The following BAIAP2 variants were observed in gnomAD, a reference collection of about 807,000 sequenced individuals.
BAIAP2 encodes the protein BAR/IMD domain-containing adapter protein 2.
In BAIAP2, 18 loss-of-function variants were observed where a neutral mutation model predicts 63.0. The ratio of observed to expected loss-of-function variants is 0.29; its 90% CI spans 0.20 to 0.42. The LOEUF is 0.42. Ranked by LOEUF, BAIAP2 falls within the 10% of genes least tolerant of loss-of-function variation. The pLI, the probability that BAIAP2 is intolerant of heterozygous loss-of-function variation, is 1.00. For synonymous variants in BAIAP2, 386 were observed against 307.6 expected (o/e 1.25, Z -2.67); for missense variants, 610 against 734.3 (o/e 0.83, Z 1.96).
chr17:81,112,660 C>T (rs892915942), intron 13 of BAIAP2, among the ~76,000 whole-genome samples: 28 of 152,366 alleles, frequency 1.8e-4, no homozygotes, highest in African/African-American at 6.3e-4. Flanking sequence ...GCTGTCCGCC[C>T]GGCTCTGGGT....
chr17:81,099,228 T>G (rs1446288907), intron 6 of BAIAP2, among the ~76,000 whole-genome samples: 3 of 151,700 alleles, frequency 2.0e-5, no homozygotes, highest in African/African-American at 7.3e-5. Context: ...CCCCACGAAC[T>G]TCCTTCTCAC....
At chr17:81,086,797 G>A in intron 6 of BAIAP2, 1 of 560,568 alleles carries the variant, frequency 1.8e-6, no homozygotes, top group Non-Finnish European at 3.2e-6. Flanking sequence ...TGCTCTTGCA[G>A]CCTCCCAGGG....
At chr17:81,110,955 A>AGT (rs1434343760) in intron 13 of BAIAP2, 1 of 1,613,480 alleles carries the variant, frequency 6.2e-7, no homozygotes, top group African/African-American at 1.3e-5. Context: ...GCCTGACTAG[A>AGT]GTTAGTAAGT....
At position 81,098,635 on chromosome 17, in the gene BAIAP2, T is replaced by G. The variant is rs75332949; in HGVS notation, c.490-1293T>G. Among the ~76,000 whole-genome samples, 1,029 of 152,288 alleles carry G rather than the reference T, an allele frequency of 6.8e-3. 9 individuals are homozygous for G. The highest frequency in any genetic ancestry group is 0.024 in the African/African-American group (980 of 41,542). On this transcript the variant is annotated intron_variant, in intron 6 of 13. Coordinates refer to ENST00000428708, the MANE Select transcript of BAIAP2 (RefSeq NM_001144888.2). ...AATCGGTAGCTGGATCTGGAAGCTC[T>G]GTCAGGTTGAGACTCAGTTTTCCTT...
At chr17:81,040,717 C>T (rs2046964362) in intron 1 of BAIAP2, among the ~76,000 whole-genome samples, 1 of 152,230 alleles carries the variant, frequency 6.6e-6, no homozygotes, top group South Asian at 2.1e-4. Flanking sequence ...TCTGAGAGCT[C>T]CCTGGAGGTG....
intron 6 of BAIAP2, among the ~76,000 whole-genome samples, chr17:81,097,007 G>C (rs574326543): frequency 2.6e-5 from 4 of 152,308 alleles, no homozygotes; most frequent in Non-Finnish European, 5.9e-5. Flanking sequence ...CAGCGGCAGT[G>C]GGGGTGGCGG....
In BAIAP2 at chr17:81,115,931, A is replaced by C; in HGVS notation, c.*92A>C. On this transcript the variant is annotated 3_prime_UTR_variant, in exon 14 of 14. Transcript: ENST00000428708. ...ATCATCTGTGCGTTCCTGTGTAGAG[A>C]ACATCCAGGCCCCGGCTGCCTGGTC... 1 of 1,570,342 alleles carries C rather than the reference A, an allele frequency of 6.4e-7. No individual in the cohort carries two copies. The highest frequency in any genetic ancestry group is 8.6e-7 in the Non-Finnish European group (1 of 1,158,172).
At position 81,085,651 on chromosome 17, in the gene BAIAP2, C is replaced by T. The variant is rs1405214252; in HGVS notation, c.280-3C>T. On this transcript the variant is annotated splice_region_variant and splice_polypyrimidine_tract_variant and intron_variant, in intron 4 of 13. Transcript: ENST00000428708. The stretch of plus-strand genomic sequence containing the variant: ...GGCTGATGTGTTTTCTCTCCATGTC[C>T]AGCTGAAGTCTTTTCACAACGAGCT... 7 of 1,613,362 alleles carry T rather than the reference C, an allele frequency of 4.3e-6. No homozygotes were observed. Among genetic ancestry groups the T allele is most frequent in the Non-Finnish European group, 4.2e-6 (5 of 1,179,514 alleles).
At chr17:81,104,447 A>G in intron 9 of BAIAP2, 67 bp from the exon 10 acceptor site, 1 of 1,500,362 alleles carries the variant, frequency 6.7e-7, no homozygotes, top group East Asian at 2.3e-5. Context: ...CACCTCAACC[A>G]GACTCCCTGG....
intron 3 of BAIAP2, among the ~76,000 whole-genome samples, chr17:81,071,139 T>C (rs1056849240): frequency 6.6e-6 from 1 of 151,778 alleles, no homozygotes; most frequent in Non-Finnish European, 1.5e-5. Context: ...CTGGCCACAT[T>C]CCATTTTTGC....
chr17:81,078,645 C>T (rs1251307186), intron 3 of BAIAP2, among the ~76,000 whole-genome samples: 2 of 97,908 alleles, frequency 2.0e-5, no homozygotes, highest in Non-Finnish European at 2.2e-5. Context: ...GTGCCATCTC[C>T]GAGCTGGGTG....
chr17:81,077,420 T>C (rs1176234874), intron 3 of BAIAP2, among the ~76,000 whole-genome samples: 1 of 151,556 alleles, frequency 6.6e-6, no homozygotes, highest in East Asian at 1.9e-4. Context: ...ATACAAAAAT[T>C]AGCTGGGCGT....
intron 3 of BAIAP2, among the ~76,000 whole-genome samples, chr17:81,059,738 A>C (rs2050220762): frequency 6.6e-6 from 1 of 152,240 alleles, no homozygotes; most frequent in Non-Finnish European, 1.5e-5. Context: ...GGCGTGAGCC[A>C]CCACGCCTGG....
intron 13 of BAIAP2, among the ~76,000 whole-genome samples, chr17:81,115,567 A>C (rs539244900): frequency 1.1e-3 from 174 of 152,256 alleles, no homozygotes; most frequent in African/African-American, 4.1e-3. Flanking sequence ...CACATAGTGG[A>C]CTTGGGGGTC....
intron 3 of BAIAP2, among the ~76,000 whole-genome samples, chr17:81,073,872 G>A (rs759743021): frequency 6.6e-6 from 1 of 152,250 alleles, no homozygotes; most frequent in African/African-American, 2.4e-5. Context: ...TCCTCTGGGA[G>A]CTGGCAGGCG....
intron 6 of BAIAP2, among the ~76,000 whole-genome samples, chr17:81,088,703 G>A (rs576983623): frequency 4.6e-5 from 7 of 152,322 alleles, no homozygotes; most frequent in Non-Finnish European, 8.8e-5. Flanking sequence ...TACTGTCGGG[G>A]GTCAGCCTTT....
intron 3 of BAIAP2, among the ~76,000 whole-genome samples, chr17:81,071,671 C>A (rs967862001): frequency 1.3e-5 from 2 of 152,266 alleles, no homozygotes; most frequent in African/African-American, 2.4e-5. Context: ...CAGCGCCCGT[C>A]CGTCCCTGAG....
chr17:81,081,670 G>A (rs369106527), intron 3 of BAIAP2, among the ~76,000 whole-genome samples: 43 of 152,298 alleles, frequency 2.8e-4, no homozygotes, highest in East Asian at 2.1e-3. Flanking sequence ...TGAGCCTGGG[G>A]TAGGGCCCAT....
chr17:81,051,531 C>G (rs767486237), intron 1 of BAIAP2, among the ~76,000 whole-genome samples: 1 of 152,172 alleles, frequency 6.6e-6, no homozygotes, highest in Non-Finnish European at 1.5e-5. Flanking sequence ...TCCCAAGTAG[C>G]TGGGATTACA....
Sources: allele counts gnomAD v4.1 joint callset (sites outside exome capture counted in the v4.1 genomes callset), GRCh38; gene constraint gnomAD v4.1.1; transcripts MANE v1.5; gene names NCBI Gene and HGNC (gene_info 2026-07-23, HGNC 2026-07-21).